Variants in ADAM11 observed in about 807,000 individuals in gnomAD.
The protein encoded by ADAM11 is ADAM metallopeptidase domain 11.
Under a neutral mutation model 119.1 loss-of-function variants are expected in ADAM11, and 49 were observed. The ratio of observed to expected loss-of-function variants is 0.41; its 90% confidence interval spans 0.33 to 0.52. The LOEUF (loss-of-function observed/expected upper bound fraction) is 0.52. ADAM11 is among the 20% of genes least tolerant of loss of function. The pLI is 0.20. For missense variants in ADAM11, 777 were observed against 1,047.5 expected (o/e 0.74, Z 3.56); for synonymous variants, 364 against 408.0 (o/e 0.89, Z 1.30).
intron 2 of ADAM11, among the ~76,000 whole-genome samples, chr17:44,768,090 G>A (rs762160039): frequency 7.9e-5 from 12 of 152,224 alleles, no homozygotes; most frequent in Non-Finnish European, 1.8e-4. Flanking sequence ...GCAGCATTGG[G>A]GCAAGGGGTC....
chr17:44,779,185 C>G lies in ADAM11; in HGVS notation c.2277-37C>G, dbSNP rs369442259. 3.2e-6 allele frequency: 5 copies of G among 1,584,394 alleles called. No homozygotes were observed. The African/African-American group carries it at 6.9e-5, about 22-fold the overall frequency. ...GAGAGAAGCAAAAGGTCAGATGTCT[C>G]CTTTTCCTCTCCCCTTCCACCATCC... On this transcript the variant is annotated intron_variant, in intron 25 of 26. Coordinates refer to ENST00000200557, the MANE Select transcript of ADAM11 (RefSeq NM_002390.6).
In ADAM11 at chr17:44,773,487, TACTTAAC is replaced by T; in HGVS notation, c.992+63_992+69del. On this transcript the variant is annotated intron_variant, in intron 11 of 26. Transcript: ENST00000200557. This position sits in a 1 kb window ranked among gnomAD's most constrained non-coding sequence, Gnocchi z 4.6. The stretch of plus-strand genomic sequence containing the variant: ...TGCTAGTTGCTACAGTGCTTGGGAT[TACTTAAC>T]ACCTGCCCTGTGCTGGCTGCTCCTC... The T allele has an allele frequency of 6.4e-7, 1 of 1,573,364 alleles. No homozygotes were observed. The highest frequency in any genetic ancestry group is 1.1e-5 in the South Asian group (1 of 86,966).
intron 2 of ADAM11, among the ~76,000 whole-genome samples, chr17:44,769,051 T>C (rs1230699606): frequency 6.6e-6 from 1 of 152,202 alleles, no homozygotes; most frequent in Non-Finnish European, 1.5e-5. Flanking sequence ...CAGGAAAACT[T>C]CCATGTTTAA....
chr17:44,770,078 G>A (rs1567690446), intron 4 of ADAM11, 30 bp downstream of exon 4: 2 of 1,611,080 alleles, frequency 1.2e-6, no homozygotes, highest in Admixed American at 1.7e-5. Flanking sequence ...ACCGGGGCCG[G>A]GGATGGAAGG....
chr17:44,770,452 G>T (rs1203707814), intron 4 of ADAM11, among the ~76,000 whole-genome samples: 1 of 150,922 alleles, frequency 6.6e-6, no homozygotes, highest in Non-Finnish European at 1.5e-5. Context: ...AGGCTCTAGA[G>T]CCTGAAAATG....
chr17:44,767,354 CAAAAAAAAAAAAA>C (rs72428475), intron 2 of ADAM11, among the ~76,000 whole-genome samples: 5 of 56,920 alleles, frequency 8.8e-5, no homozygotes, highest in African/African-American at 3.6e-4. Context: ...GACTCCATCT[CAAAAAAAAAAAAA>C]AAAAAAAAAA....
At chr17:44,778,363 G>A (rs1355442627) in intron 25 of ADAM11, 121 bp downstream of exon 25, 3 of 1,012,572 alleles carry the variant, frequency 3.0e-6, no homozygotes, top group Non-Finnish European at 4.3e-6. Flanking sequence ...CACGTCATAG[G>A]TCCAAGTAGC....
chr17:44,771,738 G>C lies in ADAM11; in HGVS notation c.468-18G>C. The stretch of plus-strand genomic sequence containing the variant: ...CCAGGCCTGGGGACGGAGGGGAGCT[G>C]CGCCTCTCTCTCCACAGTGGGGTCT... On this transcript the variant is annotated intron_variant, in intron 5 of 26. Transcript: ENST00000200557. 3 of 1,613,786 alleles carry C rather than the reference G, an allele frequency of 1.9e-6. No homozygotes were observed. The highest frequency in any genetic ancestry group is 2.5e-6 in the Non-Finnish European group (3 of 1,179,808).
intron 1 of ADAM11, 184 bp downstream of exon 1, chr17:44,759,444 C>T (rs1457921294): frequency 6.4e-6 from 8 of 1,247,800 alleles, no homozygotes; most frequent in Admixed American, 8.4e-5. Flanking sequence ...GCTGGCCGGG[C>T]CCACCGCGTC....
intron 2 of ADAM11, among the ~76,000 whole-genome samples, chr17:44,767,933 A>C (rs1157743284): frequency 3.3e-5 from 5 of 151,904 alleles, no homozygotes; most frequent in Non-Finnish European, 7.4e-5. Flanking sequence ...GCCAGGGCAG[A>C]CTCTGCTGGA....
At chr17:44,767,891 C>T (rs2049470062) in intron 2 of ADAM11, among the ~76,000 whole-genome samples, 1 of 152,194 alleles carries the variant, frequency 6.6e-6, no homozygotes, top group African/African-American at 2.4e-5. Context: ...GGGTGGCTCG[C>T]AGACCTCCTG....
intron 2 of ADAM11, among the ~76,000 whole-genome samples, chr17:44,761,525 T>A (rs147133097): frequency 8.3e-4 from 126 of 152,078 alleles, no homozygotes; most frequent in African/African-American, 2.8e-3. Flanking sequence ...GAGGTGTGTA[T>A]GTGATCCACC....
chr17:44,759,173 C>T lies in ADAM11; in HGVS notation c.-27C>T. 7.5e-7 allele frequency: 1 copy of T among 1,325,070 alleles called. No individual in the cohort carries two copies. The highest frequency in any genetic ancestry group is 1.5e-5 in the African/African-American group (1 of 65,250). The allele number at this position is 1,325,070 out of a possible 1,614,324, so 82.1% of individuals were successfully genotyped here. A position where few individuals can be genotyped will look rare whatever the true frequency, so the allele number is the denominator to read the frequency against. On this transcript the variant is annotated 5_prime_UTR_variant, in exon 1 of 27. Transcript: ENST00000200557. ...TCCCCGCGCCGCTGGCAGCCGCAGC[C>T]CCCGGACCGGGAGGAATGAGCGAGC...
intron 2 of ADAM11, among the ~76,000 whole-genome samples, chr17:44,762,423 T>A (rs977553612): frequency 2.0e-5 from 3 of 152,208 alleles, no homozygotes; most frequent in Non-Finnish European, 4.4e-5. Flanking sequence ...AGAGCGCTTT[T>A]GGCCTCAGAG....
chr17:44,774,165 G>A (rs2049566243), intron 11 of ADAM11, 130 bp from the exon 12 acceptor site: 2 of 539,076 alleles, frequency 3.7e-6, no homozygotes, highest in Middle Eastern at 4.9e-4. Flanking sequence ...GGTCACCAAG[G>A]CTGATGTAAA....
In ADAM11 at chr17:44,773,675, CT is replaced by C. The variant is rs1164301445; in HGVS notation, c.992+251del. ...ACCTCCCCTTAGTTCTGTCTTTCCC[CT>C]TTCAAACTGTCCCAGCATCCCTTCC... is the stretch of plus-strand genomic sequence containing the variant. On this transcript the variant is annotated intron_variant, in intron 11 of 26. Transcript: ENST00000200557. This position sits in a 1 kb window ranked among gnomAD's most constrained non-coding sequence, Gnocchi z 4.6. Among the ~76,000 whole-genome samples the C allele has an allele frequency of 6.6e-6, 1 of 152,156 alleles. No individual in the cohort carries two copies. The highest frequency in any genetic ancestry group is 2.4e-5 in the African/African-American group (1 of 41,426).
chr17:44,759,474 G>C (rs1047777363), intron 1 of ADAM11: 105 of 1,251,690 alleles, frequency 8.4e-5, no homozygotes, highest in Non-Finnish European at 9.8e-5. Flanking sequence ...GCCGCCGACC[G>C]GCCAGCTCTG....
chr17:44,760,257 C>T (rs928643454), intron 2 of ADAM11, among the ~76,000 whole-genome samples: 2 of 152,216 alleles, frequency 1.3e-5, no homozygotes, highest in Admixed American at 1.3e-4. Flanking sequence ...CAGGGAGAGG[C>T]AGCCCAGATT....
At position 44,772,352 on chromosome 17, in the gene ADAM11, G is replaced by T; in HGVS notation, c.610+19G>T. 3 of 1,584,852 alleles carry T rather than the reference G, an allele frequency of 1.9e-6. No homozygotes were observed. The highest frequency in any genetic ancestry group is 8.6e-7 in the Non-Finnish European group (1 of 1,164,136). ...GAACCAGGTAAGGGAGGGAAGGGGG[G>T]GTGGGGAGGGGCCGGCTGTGCCCCC... On this transcript the variant is annotated intron_variant, in intron 7 of 26. Coordinates refer to ENST00000200557, the MANE Select transcript of ADAM11 (RefSeq NM_002390.6). This position sits in a 1 kb window ranked among gnomAD's most constrained non-coding sequence, Gnocchi z 4.5.
Sources: gnomAD v4.1 joint callset for allele counts (sites outside exome capture counted in the v4.1 genomes callset) on GRCh38, gnomAD v4.1.1 for gene constraint, Gnocchi (gnomAD v3.1) non-coding constraint, MANE v1.5 for transcripts, NCBI Gene and HGNC (gene_info 2026-07-23, HGNC 2026-07-21) for gene names.